WWOX: variants seen among roughly 807,000 people sequenced by gnomAD.
The protein encoded by WWOX is WW domain containing oxidoreductase.
WWOX carries 69 observed loss-of-function variants against 46.2 expected under a neutral mutation model. The observed-to-expected ratio is 1.49, with a 90% CI of 1.23 to 1.82. The LOEUF (loss-of-function observed/expected upper bound fraction) is 1.82, where lower values mean the gene tolerates loss of function less well. Ranked by LOEUF, WWOX falls within the 40% of genes most tolerant of loss-of-function variation. The pLI is 0.00. For missense variants in WWOX, 919 were observed against 542.6 expected (o/e 1.69, Z -6.89); for synonymous variants, 359 against 202.6 (o/e 1.77, Z -6.56).
At chr16:78,772,434 A>C (rs574690657) in intron 8 of WWOX, among the ~76,000 whole-genome samples, 1 of 152,070 alleles carries the variant, frequency 6.6e-6, no homozygotes, top group East Asian at 1.9e-4. Context: ...TTTTTAATCC[A>C]ATCTGTCATT....
intron 8 of WWOX, among the ~76,000 whole-genome samples, chr16:78,871,068 C>G (rs1029057640): frequency 2.6e-5 from 4 of 152,028 alleles, no homozygotes; most frequent in African/African-American, 4.8e-5. Flanking sequence ...TAAATTATCC[C>G]CTATAGCTCA....
intron 8 of WWOX, among the ~76,000 whole-genome samples, chr16:79,051,336 G>C (rs1199253296): frequency 1.3e-5 from 2 of 152,206 alleles, no homozygotes; most frequent in Non-Finnish European, 2.9e-5. Flanking sequence ...CAGTAAGTTT[G>C]TTTTTCATTA....
At chr16:78,983,104 T>A (rs1451954491) in intron 8 of WWOX, among the ~76,000 whole-genome samples, 3 of 152,226 alleles carry the variant, frequency 2.0e-5, no homozygotes, top group African/African-American at 7.2e-5. Context: ...TTTTGTAGAC[T>A]GACACTGAGA....
In WWOX at chr16:78,976,325, C is replaced by T. The variant is rs185917628; in HGVS notation, c.1057-235283C>T. On this transcript the variant is annotated intron_variant, in intron 8 of 8. Coordinates refer to ENST00000566780, the MANE Select transcript of WWOX (RefSeq NM_016373.4). ...TCTTACGTAGTTTTGAAATGAGAAC[C>T]GATGAAGCTGCTTTTGCTCATGGTA... Among the ~76,000 whole-genome samples, 323 of 152,290 alleles carry T rather than the reference C, an allele frequency of 2.1e-3. 3 individuals carry two copies. The highest frequency in any genetic ancestry group is 7.5e-3 in the African/African-American group (310 of 41,564).
chr16:79,124,675 G>A (rs1427380819), intron 8 of WWOX, among the ~76,000 whole-genome samples: 1 of 152,180 alleles, frequency 6.6e-6, no homozygotes, highest in Non-Finnish European at 1.5e-5. Flanking sequence ...AGAAAAGAAG[G>A]GTGATGGGTT....
intron 8 of WWOX, among the ~76,000 whole-genome samples, chr16:78,627,491 CTT>C: frequency 6.6e-6 from 1 of 152,258 alleles, no homozygotes; most frequent in African/African-American, 2.4e-5. Flanking sequence ...TCCTGTAAGT[CTT>C]TGAATAATGG....
rs1235647037 is a variant in WWOX at position 78,425,322 on chromosome 16, A to T, written c.791+267A>T. On this transcript the variant is annotated intron_variant, in intron 7 of 8. Transcript: ENST00000566780. Reference sequence around the variant, plus strand: ...GATTTTGCTTAGAGATGGAATAATAATTGATGAAATCTGAATGGCATGACC... The same window carrying T: ...GATTTTGCTTAGAGATGGAATAATATTTGATGAAATCTGAATGGCATGACC... 2.0e-5 allele frequency among the ~76,000 whole-genome samples: 3 copies of T among 152,306 alleles called. No homozygotes were observed. In the East Asian group the frequency reaches 5.8e-4, roughly 29 times the overall value.
chr16:78,594,517 G>A (rs1468408272), intron 8 of WWOX, among the ~76,000 whole-genome samples: 1 of 136,948 alleles, frequency 7.3e-6, no homozygotes, highest in African/African-American at 2.7e-5. Context: ...ACCCTGCTAG[G>A]TACAAATCCC....
chr16:79,151,428 G>A (rs1034890861), intron 8 of WWOX, among the ~76,000 whole-genome samples: 7 of 152,182 alleles, frequency 4.6e-5, no homozygotes, highest in Non-Finnish European at 1.0e-4. Context: ...GGTTACCCTG[G>A]ACCAGACATT....
intron 8 of WWOX, among the ~76,000 whole-genome samples, chr16:78,659,926 C>A (rs537412073): frequency 6.6e-6 from 1 of 152,180 alleles, no homozygotes; most frequent in Non-Finnish European, 1.5e-5. Context: ...GGGCTGTCAC[C>A]ACCAGAAATT....
At chr16:78,608,782 C>T (rs2151627471) in intron 8 of WWOX, among the ~76,000 whole-genome samples, 1 of 152,260 alleles carries the variant, frequency 6.6e-6, no homozygotes, top group Admixed American at 6.5e-5. Context: ...GCCTGCCCTC[C>T]AGGGGTTCCT....
intron 8 of WWOX, among the ~76,000 whole-genome samples, chr16:79,121,542 C>G (rs1388380179): frequency 2.6e-5 from 4 of 152,200 alleles, no homozygotes; most frequent in African/African-American, 9.7e-5. Flanking sequence ...TCTACTTGAA[C>G]TTCCAGGGAC....
At chr16:78,869,490 G>A (rs1004802675) in intron 8 of WWOX, among the ~76,000 whole-genome samples, 1 of 152,164 alleles carries the variant, frequency 6.6e-6, no homozygotes, top group Admixed American at 6.5e-5. Flanking sequence ...CAGCTCATCC[G>A]GTAACAATTT....
intron 6 of WWOX, among the ~76,000 whole-genome samples, chr16:78,395,329 G>C (rs534195105): frequency 2.6e-5 from 4 of 152,084 alleles, no homozygotes; most frequent in Admixed American, 2.0e-4. Flanking sequence ...GACCAGCCTC[G>C]GTAATTTGGC....
At chr16:78,973,918 C>G (rs11866789) in intron 8 of WWOX, among the ~76,000 whole-genome samples, 52,970 of 152,136 alleles carry the variant, frequency 0.35, 11,066 homozygotes, top group Non-Finnish European at 0.46. Flanking sequence ...TTGGTTTTTT[C>G]TTCGGCGTGT....
chr16:79,209,878 G>C lies in WWOX; in HGVS notation c.1057-1730G>C, dbSNP rs188898554. Among the ~76,000 whole-genome samples the C allele has an allele frequency of 6.6e-5, 10 of 152,334 alleles. No individual in the cohort carries two copies. The East Asian group carries it at 1.7e-3, about 26-fold the overall frequency. On this transcript the variant is annotated intron_variant, in intron 8 of 8. Transcript: ENST00000566780. The stretch of plus-strand genomic sequence containing the variant: ...ATTAGGAATAATAATTCAGTGAAAG[G>C]AAATTTGGATGACATGAACTCATTT...
intron 5 of WWOX, among the ~76,000 whole-genome samples, chr16:78,327,176 G>A (rs1320533212): frequency 6.6e-6 from 1 of 152,132 alleles, no homozygotes; most frequent in Non-Finnish European, 1.5e-5. Flanking sequence ...CATTTAAGTG[G>A]CAGCGATGGG....
At chr16:78,579,177 G>A (rs1191322507) in intron 8 of WWOX, among the ~76,000 whole-genome samples, 1 of 152,200 alleles carries the variant, frequency 6.6e-6, no homozygotes, top group African/African-American at 2.4e-5. Context: ...TAATTAGGAA[G>A]TCCCTATTTG....
chr16:78,650,379 C>T (rs989644929), intron 8 of WWOX, among the ~76,000 whole-genome samples: 32 of 152,102 alleles, frequency 2.1e-4, no homozygotes, highest in Middle Eastern at 3.2e-3. Context: ...AGACACTGCC[C>T]CTGTTTCAAA....
Sources: gnomAD v4.1 joint callset for allele counts (sites outside exome capture counted in the v4.1 genomes callset) on GRCh38, gnomAD v4.1.1 for gene constraint, MANE v1.5 for transcripts, NCBI Gene and HGNC (gene_info 2026-07-23, HGNC 2026-07-21) for gene names.